The following KMO variants were observed in gnomAD, a reference collection of about 807,000 sequenced individuals.
KMO encodes the protein kynurenine 3-hydroxylase.
A neutral mutation model predicts 57.8 loss-of-function variants in KMO; 24 were observed. The observed-to-expected ratio is 0.42, with a 90% confidence interval of 0.30 to 0.58. The LOEUF is 0.58. KMO is among the 20% of genes least tolerant of loss of function. The pLI, the probability that KMO is intolerant of heterozygous loss-of-function variation, is 0.22. For missense variants in KMO, 483 were observed against 588.2 expected (o/e 0.82, Z 1.85); for synonymous variants, 210 against 193.6 (o/e 1.08, Z -0.70).
In KMO at chr1:241,594,344, C is replaced by T. The variant is rs780250880; in HGVS notation, c.*2191C>T. On this transcript the variant is annotated 3_prime_UTR_variant, in exon 15 of 15. Transcript: ENST00000366559. ...AAGGTTCTGTTGATATTACATAGAA[C>T]GGGTATTCCAGACACTTCTTATGAT... The T allele has an allele frequency of 8.9e-5, 126 of 1,417,136 alleles. No homozygotes were observed. The highest frequency in any genetic ancestry group is 6.1e-4 in the Middle Eastern group (3 of 4,900). The allele number at this position is 1,417,136 out of a possible 1,614,324, so 87.8% of individuals were successfully genotyped here.
At chr1:241,534,270 C>T (rs1282096792) in intron 1 of KMO, among the ~76,000 whole-genome samples, 1 of 152,136 alleles carries the variant, frequency 6.6e-6, no homozygotes, top group Non-Finnish European at 1.5e-5. Context: ...AAGGTGGCAG[C>T]AGTGATGTCT....
intron 2 of KMO, among the ~76,000 whole-genome samples, chr1:241,549,347 A>G (rs1661308074): frequency 6.6e-6 from 1 of 151,912 alleles, no homozygotes; most frequent in South Asian, 2.1e-4. Flanking sequence ...AAAGAAAGAA[A>G]GAAAGATAGA....
chr1:241,536,982 C>T (rs1182793414), intron 1 of KMO, among the ~76,000 whole-genome samples: 1 of 152,154 alleles, frequency 6.6e-6, no homozygotes, highest in Non-Finnish European at 1.5e-5. Flanking sequence ...TGATGCCAAA[C>T]TGTCCCCAAA....
intron 11 of KMO, among the ~76,000 whole-genome samples, chr1:241,588,329 CTTTTTTTTTTTTTTTT>C (rs57587351): frequency 3.0e-5 from 3 of 98,390 alleles, no homozygotes; most frequent in Admixed American, 1.4e-4. Context: ...TCTTTTTTTT[CTTTTTTTTTTTTTTTT>C]TTTTTTTTGG....
At position 241,590,077 on chromosome 1, in the gene KMO, G is replaced by A. The variant is rs764478813; in HGVS notation, c.1164G>A (p.Ala388=). ...AGAACATGGAGAGATTTCTTCATGC[G>A]ATTATGCCATCGACCTTTATCCCTC... The part of the protein sequence containing the change: ...FQKNMERFLH[A]IMPSTFIPLY... Residue 388 remains alanine (A), a synonymous_variant, in exon 13 of 15, where the codon GCG becomes GCA. Coordinates refer to ENST00000366559, the MANE Select transcript of KMO (RefSeq NM_003679.5). 16 of 1,613,806 alleles carry A rather than the reference G, an allele frequency of 9.9e-6. No homozygotes were observed. Among genetic ancestry groups the A allele is most frequent in the East Asian group, 2.2e-5 (1 of 44,868 alleles).
At chr1:241,588,858 A>G (rs376267375) in intron 12 of KMO, 28 bp downstream of exon 12, 16 of 1,489,778 alleles carry the variant, frequency 1.1e-5, no homozygotes, top group Non-Finnish European at 1.2e-5. Context: ...GCTTTATTCC[A>G]TGAGATGGTT....
At chr1:241,562,416 C>A in intron 7 of KMO, 84 bp downstream of exon 7, 1 of 1,358,134 alleles carries the variant, frequency 7.4e-7, no homozygotes, top group Non-Finnish European at 1.0e-6. Context: ...TGGTTCTCAG[C>A]AGCATGTCTT....
intron 4 of KMO, among the ~76,000 whole-genome samples, chr1:241,555,344 A>G (rs1056193124): frequency 2.0e-5 from 3 of 152,254 alleles, no homozygotes; most frequent in African/African-American, 4.8e-5. Context: ...GATGAAAATT[A>G]TATTTTAGCT....
intron 9 of KMO, among the ~76,000 whole-genome samples, chr1:241,568,197 C>A (rs543434641): frequency 6.6e-6 from 1 of 152,150 alleles, no homozygotes; most frequent in East Asian, 1.9e-4. Context: ...ATTTGAAAAT[C>A]TCATGGCCCA....
chr1:241,562,340 C>T lies in KMO; in HGVS notation c.615+8C>T, dbSNP rs561982837. On this transcript the variant is annotated splice_region_variant and intron_variant, in intron 7 of 14. Transcript: ENST00000366559. ...CCACCTAAGAACGGAGATGTAAGTC[C>T]TTGCCCTTTTTCAACCCCTTCCCAC... 13 of 1,613,466 alleles carry T rather than the reference C, an allele frequency of 8.1e-6. 1 individual carries two copies. Among genetic ancestry groups the T allele is most frequent in the Middle Eastern group, 3.3e-4 (2 of 6,058 alleles).
At chr1:241,551,347 G>T (rs1661385429) in intron 4 of KMO, among the ~76,000 whole-genome samples, 1 of 152,152 alleles carries the variant, frequency 6.6e-6, no homozygotes, top group South Asian at 2.1e-4. Context: ...TTTCAATTAG[G>T]TAGAGAAGAT....
At chr1:241,557,111 T>A (rs1195131388) in intron 5 of KMO, among the ~76,000 whole-genome samples, 1 of 152,004 alleles carries the variant, frequency 6.6e-6, no homozygotes, top group African/African-American at 2.4e-5. Context: ...ATATAGAAAG[T>A]TGAGAAAGAG....
At chr1:241,550,913 A>C in intron 3 of KMO, 42 bp from the exon 4 acceptor site, 1 of 884,872 alleles carries the variant, frequency 1.1e-6, no homozygotes, top group South Asian at 1.7e-5. Context: ...GCATAATGCC[A>C]TGTTACTGTC....
At chr1:241,579,974 C>T (rs1054560198) in intron 10 of KMO, among the ~76,000 whole-genome samples, 2 of 152,142 alleles carry the variant, frequency 1.3e-5, no homozygotes, top group Non-Finnish European at 2.9e-5. Flanking sequence ...AGCTGCTGCT[C>T]CTGCTTTTAT....
intron 10 of KMO, among the ~76,000 whole-genome samples, chr1:241,576,501 C>G (rs1255650614): frequency 6.6e-6 from 1 of 152,126 alleles, no homozygotes; most frequent in Admixed American, 6.5e-5. Context: ...GCCTTTATCT[C>G]TCCTTCATTT....
intron 4 of KMO, among the ~76,000 whole-genome samples, chr1:241,554,702 G>C (rs1156773343): frequency 6.6e-6 from 1 of 151,608 alleles, no homozygotes; most frequent in Non-Finnish European, 1.5e-5. Flanking sequence ...CGGGCGCTGT[G>C]GCTCATCCCT....
chr1:241,590,295 A>T, intron 14 of KMO, 32 bp downstream of exon 14: 1 of 1,526,916 alleles, frequency 6.5e-7, no homozygotes, highest in Non-Finnish European at 9.1e-7. Flanking sequence ...TTATTTTTTA[A>T]TGTGGTGTTT....
rs771245652 is a variant in KMO, at chr1:241,592,083, G to A, written c.1391G>A (p.Arg464Gln). The A allele has an allele frequency of 1.7e-5, 28 of 1,613,726 alleles. No homozygotes were observed. Among genetic ancestry groups the A allele is most frequent in the South Asian group, 7.7e-5 (7 of 91,062 alleles). The change falls in exon 15 of 15, where the codon CGG becomes CAG. Residue 464 changes from arginine to glutamine, a missense_variant. Physicochemically the swap from Arg to Gln is conservative, Grantham distance 43. Coordinates refer to ENST00000366559, the MANE Select transcript of KMO (RefSeq NM_003679.5). ...RRPWNWIAHF[R>Q]NTTCFPAKAV... is the part of the protein sequence containing the mutation. ...CCATGGAACTGGATAGCTCACTTCC[G>A]GAATACAACATGTTTCCCCGCAAAG...
intron 10 of KMO, among the ~76,000 whole-genome samples, chr1:241,580,575 A>T (rs1662711541): frequency 6.6e-6 from 1 of 152,024 alleles, no homozygotes; most frequent in Non-Finnish European, 1.5e-5. Context: ...AAATCTTTAA[A>T]TTCCCTTATT....
Sources: gnomAD v4.1 joint callset for allele counts (sites outside exome capture counted in the v4.1 genomes callset) on GRCh38, gnomAD v4.1.1 for gene constraint, MANE v1.5 for transcripts, NCBI Gene and HGNC (gene_info 2026-07-23, HGNC 2026-07-21) for gene names.